Variants in SNX9 observed in about 807,000 individuals in gnomAD.
The protein encoded by SNX9 is sorting nexin 9.
A neutral mutation model predicts 89.4 loss-of-function variants in SNX9; 44 were observed. The observed-to-expected ratio is 0.49, with a 90% CI of 0.39 to 0.63. The LOEUF (loss-of-function observed/expected upper bound fraction) is 0.63. Among genes scored for constraint, SNX9 ranks in the 30% least tolerant of loss-of-function variants. SNX9 has a pLI of 0.00. For missense variants in SNX9, 578 were observed against 736.1 expected (o/e 0.79, Z 2.49); for synonymous variants, 236 against 247.8 (o/e 0.95, Z 0.45).
intron 14 of SNX9, among the ~76,000 whole-genome samples, 171 bp downstream of exon 14, chr6:157,936,211 G>T (rs1468797701): frequency 6.6e-6 from 1 of 152,188 alleles, no homozygotes. Flanking sequence ...AAGACAAAGT[G>T]GATGAATACA....
At chr6:157,937,917 C>T (rs1177313543) in intron 15 of SNX9, among the ~76,000 whole-genome samples, 1 of 152,120 alleles carries the variant, frequency 6.6e-6, no homozygotes, top group Non-Finnish European at 1.5e-5. Context: ...TGAAGGGGTA[C>T]CATAGGTAAA....
At chr6:157,825,568 C>T (rs1382684006) in intron 1 of SNX9, among the ~76,000 whole-genome samples, 1 of 152,232 alleles carries the variant, frequency 6.6e-6, no homozygotes, top group Non-Finnish European at 1.5e-5. Context: ...ATCTACACCA[C>T]TCCAAAGGCA....
chr6:157,938,934 C>T (rs1399405798), intron 16 of SNX9, among the ~76,000 whole-genome samples, 187 bp downstream of exon 16: 2 of 152,104 alleles, frequency 1.3e-5, no homozygotes, highest in African/African-American at 2.4e-5. Flanking sequence ...ACCTGTCCAC[C>T]TTATCTGGCT....
At chr6:157,919,684 GT>G (rs976777783) in intron 9 of SNX9, among the ~76,000 whole-genome samples, 2 of 151,660 alleles carry the variant, frequency 1.3e-5, no homozygotes, top group Non-Finnish European at 2.9e-5. Flanking sequence ...CTGCCACATT[GT>G]TTTTTTCTGC....
At chr6:157,925,361 G>A (rs949823092) in intron 10 of SNX9, among the ~76,000 whole-genome samples, 7 of 151,768 alleles carry the variant, frequency 4.6e-5, no homozygotes, top group Non-Finnish European at 1.0e-4. Context: ...ATCTTGGTGA[G>A]GTGAGATGCT....
intron 2 of SNX9, among the ~76,000 whole-genome samples, chr6:157,868,626 T>A (rs1179753044): frequency 1.3e-5 from 2 of 152,254 alleles, no homozygotes; most frequent in African/African-American, 4.8e-5. Context: ...GTGTGATACT[T>A]GTCTCATTAC....
At position 157,916,045 on chromosome 6, in the gene SNX9, T is replaced by G. The variant is rs149006030; in HGVS notation, c.950-5486T>G. ...GGTTTTTTTGTCTTTTCTTTTTTTT[T>G]TTTGTTTGAGACGGAGTCTCGCTCT... On this transcript the variant is annotated intron_variant, in intron 9 of 17. Transcript: ENST00000392185. 5.4e-3 allele frequency among the ~76,000 whole-genome samples: 819 copies of G among 151,690 alleles called. 7 individuals carry two copies. The highest frequency in any genetic ancestry group is 0.019 in the African/African-American group (777 of 41,462).
intron 4 of SNX9, among the ~76,000 whole-genome samples, chr6:157,876,461 T>G (rs2115143731): frequency 6.6e-6 from 1 of 152,288 alleles, no homozygotes; most frequent in Non-Finnish European, 1.5e-5. Flanking sequence ...AAAGAATATC[T>G]GTCAATTGAC....
rs1444317573 is a variant in SNX9, at chr6:157,909,769, C to T, written c.810C>T (p.Ile270=). ...GSKMYGLKSY[I]EYQLTPTNTN... ...AAATGTATGGTCTAAAGAGCTACAT[C>T]GAATATCAGCTAACACCTACTGTAA... Residue 270 remains isoleucine (I), a synonymous_variant, in exon 8 of 18, where the codon ATC becomes ATT. Transcript: ENST00000392185. 3.7e-6 allele frequency: 6 copies of T among 1,614,114 alleles called. No individual in the cohort carries two copies. The highest frequency in any genetic ancestry group is 2.2e-5 in the East Asian group (1 of 44,880).
chr6:157,867,253 C>T (rs1193543163), intron 1 of SNX9, among the ~76,000 whole-genome samples: 3 of 152,178 alleles, frequency 2.0e-5, no homozygotes, highest in Non-Finnish European at 4.4e-5. Context: ...CTGCACTCAA[C>T]CAAAATAGGT....
rs1783668479 is a variant in SNX9 at position 157,925,281 on chromosome 6, C to CATTAAAT, written c.1081-1829_1081-1828insTTAAATA. Among the ~76,000 whole-genome samples the CATTAAAT allele has an allele frequency of 4.6e-5, 7 of 150,934 alleles. No homozygotes were observed. The South Asian group carries it at 1.5e-3, about 31-fold the overall frequency. On this transcript the variant is annotated intron_variant, in intron 10 of 17. Coordinates refer to ENST00000392185, the MANE Select transcript of SNX9 (RefSeq NM_016224.5). ...TAATCTCATTAGCAATCAATAAATA[C>CATTAAAT]ACATTAAAACCACAATAAGATGCCA... is the stretch of plus-strand genomic sequence containing the variant.
intron 5 of SNX9, among the ~76,000 whole-genome samples, chr6:157,900,413 G>A (rs1783071257): frequency 1.3e-5 from 2 of 152,002 alleles, no homozygotes; most frequent in East Asian, 1.9e-4. Flanking sequence ...AGCCTATTGC[G>A]GGATCTGGCC....
chr6:157,886,833 A>G (rs1400825406), intron 4 of SNX9, among the ~76,000 whole-genome samples: 2 of 152,100 alleles, frequency 1.3e-5, no homozygotes, highest in Non-Finnish European at 1.5e-5. Context: ...GCATGGATGT[A>G]TGGATTTACA....
intron 1 of SNX9, among the ~76,000 whole-genome samples, chr6:157,845,321 T>C (rs1781787476): frequency 6.6e-6 from 1 of 151,562 alleles, no homozygotes; most frequent in South Asian, 2.1e-4. Context: ...ATGTTGGCCA[T>C]GCTGTTCTCA....
rs769229031 is a variant in SNX9, at chr6:157,896,990, A to C, written c.464A>C (p.Gln155Pro). The C allele has an allele frequency of 1.2e-5, 19 of 1,597,496 alleles. No homozygotes were observed. Among genetic ancestry groups the C allele is most frequent in the Non-Finnish European group, 1.6e-5 (19 of 1,174,822 alleles). Residue 155 changes from glutamine to proline, a missense_variant, in exon 5 of 18, where the codon CAA becomes CCA. Physicochemically the swap from Gln to Pro is moderately conservative, Grantham distance 76. This residue lies in a region of SNX9 where 230 missense variants were observed against 244.7 expected (regional missense o/e 0.94). Transcript: ENST00000392185. ...GCCTTCGGCCACCCCCAGGCCTACC[A>C]AGGACCAGGTGAGGAGAGGGGTGCA... The part of the protein sequence containing the change: ...DTAFGHPQAY[Q>P]GPATGDDDDW...
In SNX9 at chr6:157,902,116, A is replaced by G. The variant is rs549574484; in HGVS notation, c.620+71A>G. Reference sequence around the variant, plus strand: ...TACATTAATACAAAGTATATACCCTACCAAGAGGCAGCTGGCCTTTTCCCT... The same window carrying G: ...TACATTAATACAAAGTATATACCCTGCCAAGAGGCAGCTGGCCTTTTCCCT... On this transcript the variant is annotated intron_variant, in intron 6 of 17. Transcript: ENST00000392185. 9.0e-6 allele frequency: 12 copies of G among 1,333,634 alleles called. No individual in the cohort carries two copies. The African/African-American group carries it at 1.7e-4, about 18-fold the overall frequency. The allele number at this position is 1,333,634 out of a possible 1,614,324, so 82.6% of individuals were successfully genotyped here.
At chr6:157,923,681 T>C (rs1783629866) in intron 10 of SNX9, among the ~76,000 whole-genome samples, 1 of 152,214 alleles carries the variant, frequency 6.6e-6, no homozygotes, top group African/African-American at 2.4e-5. Context: ...AGGAGGACTT[T>C]ATTGCGTATC....
At chr6:157,862,015 G>A (rs1195540067) in intron 1 of SNX9, among the ~76,000 whole-genome samples, 1 of 152,158 alleles carries the variant, frequency 6.6e-6, no homozygotes, top group East Asian at 1.9e-4. Context: ...GATGATTCAT[G>A]TCCTGAGTGG....
At chr6:157,878,374 C>T (rs1311582501) in intron 4 of SNX9, among the ~76,000 whole-genome samples, 1 of 151,368 alleles carries the variant, frequency 6.6e-6, no homozygotes, top group Non-Finnish European at 1.5e-5. Flanking sequence ...TATTAAACTA[C>T]TTGGAGAAAA....
Sources: allele counts gnomAD v4.1 joint callset (sites outside exome capture counted in the v4.1 genomes callset), GRCh38; gene constraint gnomAD v4.1.1; regional missense constraint gnomAD v4.1.1; transcripts MANE v1.5; gene names NCBI Gene and HGNC (gene_info 2026-07-23, HGNC 2026-07-21).